The following ZNF385D variants were observed in gnomAD, a reference collection of about 807,000 sequenced individuals.
ZNF385D encodes the protein zinc finger protein 659.
In ZNF385D, 15 loss-of-function variants were observed where a neutral mutation model predicts 35.8. The ratio of observed to expected loss-of-function variants is 0.42; its 90% CI spans 0.28 to 0.64. The LOEUF (loss-of-function observed/expected upper bound fraction) is 0.64. Ranked by LOEUF, ZNF385D falls within the 30% of genes least tolerant of loss-of-function variation. The pLI is 0.23. For missense variants in ZNF385D, 474 were observed against 494.6 expected (o/e 0.96, Z 0.39); for synonymous variants, 212 against 186.8 (o/e 1.13, Z -1.10).
At chr3:22,079,860 A>C (rs1041477367) in intron 3 of ZNF385D, among the ~76,000 whole-genome samples, 1 of 151,908 alleles carries the variant, frequency 6.6e-6, no homozygotes, top group Non-Finnish European at 1.5e-5. Context: ...ATCTTTGTGT[A>C]TGTTTTAATT....
At chr3:21,456,710 A>C (rs928807205) in intron 4 of ZNF385D, among the ~76,000 whole-genome samples, 1 of 151,904 alleles carries the variant, frequency 6.6e-6, no homozygotes, top group South Asian at 2.1e-4. Context: ...TGTTGTGCAC[A>C]TGTACCCTAG....
chr3:21,852,729 T>C (rs1226745856), intron 3 of ZNF385D, among the ~76,000 whole-genome samples: 1 of 151,888 alleles, frequency 6.6e-6, no homozygotes, highest in Non-Finnish European at 1.5e-5. Flanking sequence ...TGAAAAGTTA[T>C]GAATTGATGA....
intron 3 of ZNF385D, among the ~76,000 whole-genome samples, chr3:22,049,895 G>T (rs1699240184): frequency 6.6e-6 from 1 of 152,076 alleles, no homozygotes; most frequent in African/African-American, 2.4e-5. Context: ...CTGAATTTTG[G>T]TTGTTAATAT....
chr3:21,990,673 C>G (rs1300378967), intron 3 of ZNF385D, among the ~76,000 whole-genome samples: 1 of 152,192 alleles, frequency 6.6e-6, no homozygotes, highest in East Asian at 1.9e-4. Flanking sequence ...TCAATTAACT[C>G]TAATTTAGTT....
At chr3:21,819,004 C>T (rs1003761858) in intron 3 of ZNF385D, among the ~76,000 whole-genome samples, 1 of 151,830 alleles carries the variant, frequency 6.6e-6, no homozygotes, top group African/African-American at 2.4e-5. Flanking sequence ...TAGAAAACTG[C>T]ATATAAATTA....
At chr3:21,722,520 G>A (rs1479938710) in intron 1 of ZNF385D, among the ~76,000 whole-genome samples, 2 of 152,220 alleles carry the variant, frequency 1.3e-5, no homozygotes. Context: ...CCTGCTAGAG[G>A]AAGTTGCAAG....
At chr3:21,684,592 T>C (rs183475659) in intron 1 of ZNF385D, among the ~76,000 whole-genome samples, 1 of 152,206 alleles carries the variant, frequency 6.6e-6, no homozygotes, top group African/African-American at 2.4e-5. Flanking sequence ...TAAAGTCACA[T>C]TAATTTTAAA....
chr3:22,313,541 A>G (rs987200072), intron 2 of ZNF385D, among the ~76,000 whole-genome samples: 10 of 150,676 alleles, frequency 6.6e-5, no homozygotes, highest in Non-Finnish European at 1.5e-4. Context: ...CACATTTAAC[A>G]TGTTTTTAAA....
chr3:21,519,109 C>T (rs1575094324), intron 3 of ZNF385D, among the ~76,000 whole-genome samples: 1 of 151,816 alleles, frequency 6.6e-6, no homozygotes, highest in East Asian at 1.9e-4. Flanking sequence ...ACAGTAACAG[C>T]TACGGGAATA....
intron 3 of ZNF385D, among the ~76,000 whole-genome samples, chr3:21,792,013 G>A (rs1279045988): frequency 6.6e-6 from 1 of 152,156 alleles, no homozygotes; most frequent in African/African-American, 2.4e-5. Context: ...GATTCCAGGC[G>A]TGAGCCACTG....
intron 3 of ZNF385D, among the ~76,000 whole-genome samples, chr3:22,137,699 C>A (rs921155222): frequency 2.0e-5 from 3 of 152,048 alleles, no homozygotes; most frequent in Admixed American, 2.0e-4. Flanking sequence ...TATGACAAAC[C>A]CACGGCCAAT....
chr3:21,450,191 A>C (rs1158438763), intron 4 of ZNF385D, among the ~76,000 whole-genome samples: 1 of 152,160 alleles, frequency 6.6e-6, no homozygotes, highest in Admixed American at 6.5e-5. Context: ...GGAGAGGAGG[A>C]GAGGCAAAGA....
chr3:21,822,075 T>C (rs1694280237), intron 3 of ZNF385D, among the ~76,000 whole-genome samples: 1 of 145,906 alleles, frequency 6.9e-6, no homozygotes, highest in Non-Finnish European at 1.5e-5. Context: ...GTTAAAATAA[T>C]TTTTTTTCTT....
intron 2 of ZNF385D, among the ~76,000 whole-genome samples, chr3:22,245,820 C>T (rs926952297): frequency 1.3e-5 from 2 of 151,932 alleles, no homozygotes; most frequent in Non-Finnish European, 2.9e-5. Flanking sequence ...TGATAAACTT[C>T]CTGGGACAGA....
intron 2 of ZNF385D, among the ~76,000 whole-genome samples, chr3:22,309,579 A>G (rs9846446): frequency 6.6e-6 from 1 of 152,058 alleles, no homozygotes; most frequent in Non-Finnish European, 1.5e-5. Flanking sequence ...CCAAGATAAA[A>G]CATGGCCAGG....
At chr3:22,017,118 A>G (rs1342626698) in intron 3 of ZNF385D, among the ~76,000 whole-genome samples, 1 of 152,110 alleles carries the variant, frequency 6.6e-6, no homozygotes, top group African/African-American at 2.4e-5. Context: ...CAGATTTTAT[A>G]TAGGTTAACA....
At chr3:21,553,072 T>C (rs1225959468) in intron 3 of ZNF385D, among the ~76,000 whole-genome samples, 1 of 151,988 alleles carries the variant, frequency 6.6e-6, no homozygotes, top group East Asian at 1.9e-4. Flanking sequence ...GGGTCACAAG[T>C]CAAGGAATGC....
intron 3 of ZNF385D, among the ~76,000 whole-genome samples, chr3:21,871,063 A>G (rs1169835701): frequency 6.6e-6 from 1 of 152,172 alleles, no homozygotes; most frequent in African/African-American, 2.4e-5. Flanking sequence ...ACCTCAAGTT[A>G]TCTGCCTGAA....
At chr3:22,193,073 A>G (rs1696168557) in intron 2 of ZNF385D, among the ~76,000 whole-genome samples, 2 of 152,236 alleles carry the variant, frequency 1.3e-5, no homozygotes, top group African/African-American at 4.8e-5. Context: ...GTAACCGTTT[A>G]TAACACTCTT....
Sources: allele counts gnomAD v4.1 joint callset (sites outside exome capture counted in the v4.1 genomes callset), GRCh38; gene constraint gnomAD v4.1.1; transcripts MANE v1.5; gene names NCBI Gene and HGNC (gene_info 2026-07-23, HGNC 2026-07-21).